Variants in PTPRD observed in about 807,000 individuals in gnomAD.
The protein encoded by PTPRD is receptor-type tyrosine-protein phosphatase delta.
A neutral mutation model predicts 214.5 loss-of-function variants in PTPRD; 34 were observed. The ratio of observed to expected loss-of-function variants is 0.16; its 90% CI spans 0.12 to 0.21. The LOEUF (loss-of-function observed/expected upper bound fraction) is 0.21. Ranked by LOEUF, PTPRD falls within the 10% of genes least tolerant of loss-of-function variation. PTPRD has a pLI of 1.00. For missense variants in PTPRD, 2,545 were observed against 2,398.7 expected (o/e 1.06, Z -1.27); for synonymous variants, 1,128 against 845.7 (o/e 1.33, Z -5.79).
At chr9:10,181,942 TAAA>T (rs3075573) in intron 3 of PTPRD, among the ~76,000 whole-genome samples, 33 of 38,510 alleles carry the variant, frequency 8.6e-4, no homozygotes, top group African/African-American at 2.6e-3. Flanking sequence ...TCATAAATAC[TAAA>T]AAAAAAAAAA....
chr9:8,829,095 T>C (rs1039673281), intron 11 of PTPRD, among the ~76,000 whole-genome samples: 4 of 152,204 alleles, frequency 2.6e-5, no homozygotes, highest in African/African-American at 7.2e-5. Flanking sequence ...TAATTGTCCA[T>C]GTAAATTATT....
At chr9:10,090,803 T>G (rs2098419809) in intron 3 of PTPRD, among the ~76,000 whole-genome samples, 1 of 148,544 alleles carries the variant, frequency 6.7e-6, no homozygotes, top group Non-Finnish European at 1.5e-5. Flanking sequence ...ATCGGCAGCA[T>G]TTTTCTTAGT....
intron 10 of PTPRD, among the ~76,000 whole-genome samples, chr9:9,027,131 G>C (rs2099590034): frequency 6.6e-6 from 1 of 151,378 alleles, no homozygotes; most frequent in Non-Finnish European, 1.5e-5. Context: ...CATGACATCT[G>C]GCATACATTC....
intron 9 of PTPRD, among the ~76,000 whole-genome samples, chr9:9,202,855 A>C (rs2099942675): frequency 6.6e-6 from 1 of 152,082 alleles, no homozygotes; most frequent in Non-Finnish European, 1.5e-5. Flanking sequence ...GTGCTTTTCT[A>C]ACTGTTCTTT....
intron 7 of PTPRD, among the ~76,000 whole-genome samples, chr9:9,585,243 G>A (rs1176471389): frequency 1.3e-5 from 2 of 151,974 alleles, no homozygotes; most frequent in Admixed American, 6.6e-5. Flanking sequence ...TAATGCCTAG[G>A]GGCAAAGCTG....
intron 14 of PTPRD, among the ~76,000 whole-genome samples, chr9:8,563,741 A>G (rs2087533989): frequency 6.6e-6 from 1 of 152,052 alleles, no homozygotes; most frequent in African/African-American, 2.4e-5. Context: ...AGCTCATTGC[A>G]ACCTCCACCC....
chr9:9,859,814 G>C (rs2062328575), intron 5 of PTPRD, among the ~76,000 whole-genome samples: 1 of 152,158 alleles, frequency 6.6e-6, no homozygotes, highest in African/African-American at 2.4e-5. Context: ...GAAGCCAGCT[G>C]ACTTTCTCCT....
intron 8 of PTPRD, among the ~76,000 whole-genome samples, chr9:9,499,160 A>C (rs1589953507): frequency 6.6e-6 from 1 of 152,198 alleles, no homozygotes; most frequent in East Asian, 1.9e-4. Flanking sequence ...TTCAAAGATA[A>C]TCACGACATT....
intron 5 of PTPRD, among the ~76,000 whole-genome samples, chr9:9,913,127 A>G (rs1473696843): frequency 1.4e-5 from 2 of 144,168 alleles, no homozygotes; most frequent in African/African-American, 2.7e-5. Flanking sequence ...TAGCTCCAAT[A>G]AAAAATAATT....
intron 3 of PTPRD, among the ~76,000 whole-genome samples, chr9:10,219,809 C>A (rs1187749368): frequency 6.6e-6 from 1 of 151,500 alleles, no homozygotes; most frequent in Non-Finnish European, 1.5e-5. Flanking sequence ...TTTCACTACC[C>A]TTGTTTTACT....
At chr9:8,386,200 G>A (rs959076282) in intron 37 of PTPRD, among the ~76,000 whole-genome samples, 2 of 152,172 alleles carry the variant, frequency 1.3e-5, no homozygotes, top group Non-Finnish European at 2.9e-5. Context: ...CACACAGCTA[G>A]TAGAGGCTAG....
chr9:9,570,574 T>C (rs1158204693), intron 8 of PTPRD, among the ~76,000 whole-genome samples: 1 of 151,544 alleles, frequency 6.6e-6, no homozygotes, highest in African/African-American at 2.4e-5. Flanking sequence ...ATTTATCTTT[T>C]TGGAATGGCT....
chr9:8,843,445 T>A (rs1024490905), intron 11 of PTPRD, among the ~76,000 whole-genome samples: 2 of 152,180 alleles, frequency 1.3e-5, no homozygotes, highest in Admixed American at 6.6e-5. Flanking sequence ...CAAATGATGT[T>A]TCAGAATGAT....
At chr9:9,966,823 A>C (rs1025008416) in intron 4 of PTPRD, among the ~76,000 whole-genome samples, 1 of 152,198 alleles carries the variant, frequency 6.6e-6, no homozygotes, top group African/African-American at 2.4e-5. Flanking sequence ...AGCATCGAGG[A>C]AGAGAAGAAA....
intron 10 of PTPRD, among the ~76,000 whole-genome samples, chr9:9,140,187 C>T (rs2099857714): frequency 7.7e-6 from 1 of 130,516 alleles, no homozygotes; most frequent in Admixed American, 8.0e-5. Flanking sequence ...TAAATCCATG[C>T]ATGGAAAAAA....
At chr9:10,286,250 G>A (rs2095349174) in intron 3 of PTPRD, among the ~76,000 whole-genome samples, 2 of 151,994 alleles carry the variant, frequency 1.3e-5, no homozygotes, top group Non-Finnish European at 2.9e-5. Flanking sequence ...GTCCCAGCCT[G>A]TGCAACATAG....
At chr9:8,944,904 A>G (rs2099054497) in intron 11 of PTPRD, among the ~76,000 whole-genome samples, 1 of 152,108 alleles carries the variant, frequency 6.6e-6, no homozygotes, top group South Asian at 2.1e-4. Context: ...GTATAATACA[A>G]TTGGAATGTT....
At chr9:8,478,643 T>G (rs1182167659) in intron 30 of PTPRD, among the ~76,000 whole-genome samples, 1 of 152,164 alleles carries the variant, frequency 6.6e-6, no homozygotes, top group Non-Finnish European at 1.5e-5. Flanking sequence ...ACTGGCATTC[T>G]GCTCCCCAAA....
intron 9 of PTPRD, among the ~76,000 whole-genome samples, chr9:9,388,666 G>A (rs2064751405): frequency 6.6e-6 from 1 of 152,078 alleles, no homozygotes; most frequent in Non-Finnish European, 1.5e-5. Context: ...TACCAGGAAA[G>A]TTTTAAATAT....
Sources: allele counts gnomAD v4.1 joint callset (sites outside exome capture counted in the v4.1 genomes callset), GRCh38; gene constraint gnomAD v4.1.1; transcripts MANE v1.5; gene names NCBI Gene and HGNC (gene_info 2026-07-23, HGNC 2026-07-21).